MED12L: variants seen among roughly 807,000 people sequenced by gnomAD.
MED12L encodes the protein mediator complex subunit 12L, also known as mediator of RNA polymerase II transcription subunit 12-like protein.
Under a neutral mutation model 281.3 loss-of-function variants are expected in MED12L, and 60 were observed. That is an observed-to-expected ratio of 0.21 (90% CI 0.17 to 0.26). MED12L has a LOEUF of 0.26. Among genes scored for constraint, MED12L ranks in the 10% least tolerant of loss-of-function variants. The pLI is 1.00. For missense variants in MED12L, 2,146 were observed against 2,680.9 expected (o/e 0.80, Z 4.41); for synonymous variants, 974 against 987.2 (o/e 0.99, Z 0.25).
chr3:151,412,494 C>T (rs1253730933), intron 41 of MED12L, among the ~76,000 whole-genome samples: 1 of 152,176 alleles, frequency 6.6e-6, no homozygotes, highest in Non-Finnish European at 1.5e-5. Flanking sequence ...CAGCACAGCT[C>T]CCATCTGTTA....
intron 42 of MED12L, among the ~76,000 whole-genome samples, chr3:151,414,757 G>T (rs369176466): frequency 2.4e-4 from 36 of 152,168 alleles, no homozygotes; most frequent in African/African-American, 8.4e-4. Flanking sequence ...TGTGGTAACC[G>T]ATTAGGAGAG....
chr3:151,158,682 A>G lies in MED12L; in HGVS notation c.727-7A>G, dbSNP rs780919172. The G allele has an allele frequency of 6.3e-7, 1 of 1,583,600 alleles. No homozygotes were observed. The highest frequency in any genetic ancestry group is 1.7e-5 in the Admixed American group (1 of 57,968). ...TTATTAATGTAATTTTTCTTTGTTC[A>G]TTTAAGGAAGGAATGTTAGAAAAAC... On this transcript the variant is annotated splice_polypyrimidine_tract_variant and splice_region_variant and intron_variant, in intron 6 of 44. Transcript: ENST00000687756.
rs141026400 is a variant in MED12L at position 151,230,255 on chromosome 3, T to C, written c.2250+36589T>C. Reference sequence around the variant, plus strand: ...TCCTAAAGTGCTGGGATTACAGGCGTGAGCCACCGCACCCGGCCGGGATCT... The same window carrying C: ...TCCTAAAGTGCTGGGATTACAGGCGCGAGCCACCGCACCCGGCCGGGATCT... On this transcript the variant is annotated intron_variant, in intron 16 of 44. Coordinates refer to ENST00000687756, the MANE Select transcript of MED12L (RefSeq NM_001393769.1). 4.4e-3 allele frequency among the ~76,000 whole-genome samples: 671 copies of C among 152,374 alleles called. 4 individuals carry two copies. The highest frequency in any genetic ancestry group is 0.015 in the African/African-American group (625 of 41,584).
chr3:151,394,561 G>A, intron 38 of MED12L, 95 bp from the exon 39 acceptor site: 1 of 1,556,248 alleles, frequency 6.4e-7, no homozygotes, highest in South Asian at 1.2e-5. Flanking sequence ...TTCATAAAGT[G>A]AGACTTAGAA....
chr3:151,090,438 C>T (rs542166539), intron 2 of MED12L, among the ~76,000 whole-genome samples: 2 of 152,200 alleles, frequency 1.3e-5, no homozygotes, highest in African/African-American at 2.4e-5. Context: ...TTGCATCTTG[C>T]CATCTCCCCC....
chr3:151,379,964 G>A (rs915908332), intron 31 of MED12L, 149 bp from the exon 32 acceptor site: 1 of 535,850 alleles, frequency 1.9e-6, no homozygotes, highest in East Asian at 3.3e-5. Flanking sequence ...AATTTTATAA[G>A]TAGAGGTATG....
In MED12L at chr3:151,307,531, CTCTGTGTGTGTG is replaced by C. The variant is rs770791385; in HGVS notation, c.2251-42526_2251-42515del. The stretch of plus-strand genomic sequence containing the variant: ...TTTTTAGGTGACCTCAGGTAACTTG[CTCTGTGTGTGTG>C]TGTGTGTGTGTGTGTGTGTGTGTGT... On this transcript the variant is annotated intron_variant, in intron 16 of 44. Transcript: ENST00000687756. Among the ~76,000 whole-genome samples, 112 of 120,540 alleles carry C rather than the reference CTCTGTGTGTGTG, an allele frequency of 9.3e-4. 3 individuals carry two copies. The highest frequency in any genetic ancestry group is 2.9e-3 in the African/African-American group (100 of 33,906). 79.1% of individuals were successfully genotyped at this position (120,540 alleles called of 152,430 possible). A position where few individuals can be genotyped will look rare whatever the true frequency, so the allele number is the denominator to read the frequency against.
intron 16 of MED12L, among the ~76,000 whole-genome samples, chr3:151,237,022 A>G (rs536044013): frequency 2.2e-4 from 34 of 151,856 alleles, no homozygotes; most frequent in Non-Finnish European, 4.0e-4. Context: ...CATGAATGTT[A>G]AACTTCAGGA....
intron 2 of MED12L, among the ~76,000 whole-genome samples, chr3:151,114,320 T>C (rs1227210881): frequency 6.6e-6 from 1 of 152,002 alleles, no homozygotes; most frequent in African/African-American, 2.4e-5. Flanking sequence ...TATAGCGGGG[T>C]CTTTTGAAAA....
intron 8 of MED12L, among the ~76,000 whole-genome samples, chr3:151,161,124 T>C (rs539599926): frequency 6.6e-6 from 1 of 152,246 alleles, no homozygotes; most frequent in East Asian, 1.9e-4. Context: ...AGTTGTGTAA[T>C]TGTCGTTAGA....
At chr3:151,408,160 T>C (rs1716544229) in intron 39 of MED12L, among the ~76,000 whole-genome samples, 1 of 152,212 alleles carries the variant, frequency 6.6e-6, no homozygotes, top group Non-Finnish European at 1.5e-5. Context: ...TTGCTTAAGC[T>C]CTTTGAGCCT....
At chr3:151,205,509 C>T (rs1230450051) in intron 16 of MED12L, among the ~76,000 whole-genome samples, 2 of 152,000 alleles carry the variant, frequency 1.3e-5, no homozygotes, top group African/African-American at 2.4e-5. Flanking sequence ...GAATATTTAG[C>T]GTTTTTAAAA....
intron 16 of MED12L, chr3:151,326,371 A>G (rs186193837): frequency 6.5e-6 from 1 of 152,764 alleles, no homozygotes; most frequent in East Asian, 1.9e-4. Flanking sequence ...TCAGATATAT[A>G]CATCAGTTAC....
At chr3:151,102,468 C>T (rs1340188141) in intron 2 of MED12L, among the ~76,000 whole-genome samples, 3 of 152,124 alleles carry the variant, frequency 2.0e-5, no homozygotes, top group Admixed American at 2.0e-4. Flanking sequence ...AACAAAATTG[C>T]CACCACCAAC....
At chr3:151,297,865 C>T (rs1745317905) in intron 16 of MED12L, among the ~76,000 whole-genome samples, 2 of 151,976 alleles carry the variant, frequency 1.3e-5, no homozygotes, top group Admixed American at 6.6e-5. Context: ...TGTGTGTATA[C>T]ATATATACAT....
chr3:151,257,811 G>C (rs114392687), intron 16 of MED12L, among the ~76,000 whole-genome samples: 1 of 152,114 alleles, frequency 6.6e-6, no homozygotes, highest in African/African-American at 2.4e-5. Context: ...TTGTTCAAGT[G>C]TCATGTGGAC....
At chr3:151,108,613 G>C (rs533836448) in intron 2 of MED12L, among the ~76,000 whole-genome samples, 42 of 152,204 alleles carry the variant, frequency 2.8e-4, no homozygotes, top group African/African-American at 9.6e-4. Context: ...CTTGACTAGC[G>C]CATAGAGGGA....
At chr3:151,300,515 C>A (rs1160147756) in intron 16 of MED12L, among the ~76,000 whole-genome samples, 1 of 152,328 alleles carries the variant, frequency 6.6e-6, no homozygotes, top group Non-Finnish European at 1.5e-5. Flanking sequence ...CACCCCTTCC[C>A]CTGCAGCTGG....
At chr3:151,282,931 G>C (rs754828696) in intron 16 of MED12L, among the ~76,000 whole-genome samples, 9 of 152,170 alleles carry the variant, frequency 5.9e-5, no homozygotes, top group Admixed American at 2.0e-4. Context: ...TGTTGATTTA[G>C]AGTAGTGGAG....
Sources: gnomAD v4.1 joint callset for allele counts (sites outside exome capture counted in the v4.1 genomes callset) on GRCh38, gnomAD v4.1.1 for gene constraint, MANE v1.5 for transcripts, NCBI Gene and HGNC (gene_info 2026-07-23, HGNC 2026-07-21) for gene names.